The following CLTRN variants were observed in gnomAD, a reference collection of about 807,000 sequenced individuals.
CLTRN encodes collectrin.
CLTRN carries 12 observed loss-of-function variants against 14.5 expected under a neutral mutation model. The observed-to-expected ratio is 0.83, with a 90% CI of 0.53 to 1.34. The LOEUF is 1.34. CLTRN is among the 40% of genes most tolerant of loss of function. The pLI is 0.00. For missense variants in CLTRN, 154 were observed against 165.1 expected (o/e 0.93, Z 0.37); for synonymous variants, 58 against 56.5 (o/e 1.03, Z -0.12).
At chrX:15,652,315 C>T in intron 3 of CLTRN, among the ~76,000 whole-genome samples, 1 of 111,602 alleles carries the variant, frequency 9.0e-6, no homozygotes, top group Non-Finnish European at 1.9e-5. Flanking sequence ...AATAAAAATC[C>T]TACATTTTCA....
Position 15,629,437 on chromosome X carries a change from T to A in CLTRN, c.513-1310A>T, listed in dbSNP as rs182790668. Among the ~76,000 whole-genome samples, 738 of 111,337 alleles carry A rather than the reference T, an allele frequency of 6.6e-3. 5 individuals carry two copies. The highest frequency in any genetic ancestry group is 0.023 in the African/African-American group (692 of 30,589). On this transcript the variant is annotated intron_variant, in intron 5 of 5. Coordinates refer to ENST00000380342, the MANE Select transcript of CLTRN (RefSeq NM_020665.6). ...AAGTATAATAAAAAAAAATTTTTTT[T>A]AAATCATCTTTCCCACCCACATGAT...
chrX:15,632,232 T>A (rs950126134), intron 5 of CLTRN, among the ~76,000 whole-genome samples: 5 of 111,761 alleles, frequency 4.5e-5, no homozygotes, highest in Admixed American at 9.5e-5. Context: ...TGTTCTAAGA[T>A]AAAGTAATGG....
intron 2 of CLTRN, among the ~76,000 whole-genome samples, chrX:15,660,616 C>A (rs1451420532): frequency 9.8e-6 from 1 of 101,558 alleles, no homozygotes; most frequent in Non-Finnish European, 2.0e-5. Context: ...CTAGCCTGGG[C>A]AACATAGTGA....
chrX:15,630,954 T>C (rs1928680723), intron 5 of CLTRN, among the ~76,000 whole-genome samples: 1 of 112,228 alleles, frequency 8.9e-6, no homozygotes, highest in Admixed American at 9.4e-5. Context: ...CAACATTCTA[T>C]AACCATCAAT....
intron 5 of CLTRN, among the ~76,000 whole-genome samples, chrX:15,635,838 A>G (rs1928805235): frequency 8.9e-6 from 1 of 112,174 alleles, no homozygotes; most frequent in Non-Finnish European, 1.9e-5. Context: ...AAGAAACTCA[A>G]ACAACTCAAT....
intron 1 of CLTRN, among the ~76,000 whole-genome samples, chrX:15,671,844 G>GCACACACACACACACACACACACA (rs199900262): frequency 1.1e-5 from 1 of 90,030 alleles, no homozygotes; most frequent in Non-Finnish European, 2.2e-5. Flanking sequence ...TTTTATGCGC[G>GCACACACACACACACACACACACA]CACACACACA....
chrX:15,647,000 T>C (rs1450154120), intron 3 of CLTRN: 3 of 251,088 alleles, frequency 1.2e-5, no homozygotes, highest in Non-Finnish European at 2.3e-5. Context: ...CCGCCTGCCC[T>C]GCTGAGGATA....
intron 5 of CLTRN, among the ~76,000 whole-genome samples, chrX:15,636,853 G>A (rs1928830869): frequency 9.0e-6 from 1 of 111,190 alleles, no homozygotes; most frequent in Non-Finnish European, 1.9e-5. Context: ...TCTCCCTGTT[G>A]CAGATGGAGA....
intron 4 of CLTRN, among the ~76,000 whole-genome samples, chrX:15,644,136 C>T (rs765711307): frequency 3.8e-4 from 43 of 111,840 alleles, no homozygotes; most frequent in Middle Eastern, 4.6e-3. Context: ...GTCGGGAAGT[C>T]GGGAAAAATT....
intron 4 of CLTRN, among the ~76,000 whole-genome samples, chrX:15,643,303 G>C (rs922104664): frequency 2.7e-5 from 3 of 111,379 alleles, no homozygotes; most frequent in African/African-American, 9.8e-5. Flanking sequence ...TCCTTCCTTT[G>C]TTGTATAGTT....
At chrX:15,646,791 G>A (rs1430003818) in intron 3 of CLTRN, 6 of 331,216 alleles carry the variant, frequency 1.8e-5, no homozygotes, top group Non-Finnish European at 3.6e-5. Flanking sequence ...TTGGACCGCC[G>A]CCACCCCCCC....
upstream of CLTRN, among the ~76,000 whole-genome samples, chrX:15,668,947 G>T (rs1185425363): frequency 9.0e-6 from 1 of 111,074 alleles, no homozygotes; most frequent in Non-Finnish European, 1.9e-5. Flanking sequence ...TACTTTTGTT[G>T]TTATGTTCTC....
chrX:15,639,797 G>A (rs1569249910), intron 4 of CLTRN, 41 bp from the exon 5 acceptor site: 6 of 1,079,462 alleles, frequency 5.6e-6, no homozygotes, highest in Admixed American at 5.5e-5. Flanking sequence ...AAATAAGACA[G>A]AAAAAAAACT....
chrX:15,647,248 C>T (rs1350975037), intron 3 of CLTRN, among the ~76,000 whole-genome samples: 1 of 107,487 alleles, frequency 9.3e-6, no homozygotes, highest in Non-Finnish European at 2.0e-5. Context: ...CAGCCACCGG[C>T]CCCACCGGGG....
intron 1 of CLTRN, among the ~76,000 whole-genome samples, chrX:15,673,148 A>T (rs1204413881): frequency 8.9e-6 from 1 of 112,690 alleles, no homozygotes; most frequent in Non-Finnish European, 1.9e-5. Context: ...GGGGCTAAAA[A>T]TTATTTTTAA....
At chrX:15,660,564 G>A (rs1162374296) in intron 2 of CLTRN, among the ~76,000 whole-genome samples, 1 of 109,289 alleles carries the variant, frequency 9.2e-6, no homozygotes, top group Non-Finnish European at 1.9e-5. Context: ...AACACTTTGG[G>A]AGGCCAAGAT....
At chrX:15,632,434 C>T (rs1017289813) in intron 5 of CLTRN, among the ~76,000 whole-genome samples, 4 of 111,066 alleles carry the variant, frequency 3.6e-5, no homozygotes, top group Admixed American at 1.9e-4. Context: ...AAAAATTAGC[C>T]GGGCGTGGTG....
chrX:15,646,462 A>ACCCCCCCCCCCCCAC, intron 3 of CLTRN: 4 of 170,839 alleles, frequency 2.3e-5, no homozygotes, highest in South Asian at 9.8e-5. Flanking sequence ...CCGCGCACCC[A>ACCCCCCCCCCCCCAC]CCCCCCCGCC....
intron 1 of CLTRN, among the ~76,000 whole-genome samples, chrX:15,670,879 AGTGTGTGTGTGTGT>A (rs543420208): frequency 0.19 from 16,446 of 84,864 alleles, 1,497 homozygotes; most frequent in East Asian, 0.43. Context: ...AAGGGAGACA[AGTGTGTGTGTGTGT>A]GTGTGTGTGT....
Sources: allele counts gnomAD v4.1 joint callset (sites outside exome capture counted in the v4.1 genomes callset), GRCh38; gene constraint gnomAD v4.1.1; transcripts MANE v1.5; gene names NCBI Gene and HGNC (gene_info 2026-07-23, HGNC 2026-07-21).